PRH1: variants seen among roughly 807,000 people sequenced by gnomAD.
PRH1 encodes salivary acidic proline-rich phosphoprotein 1/2.
PRH1 carries 7 observed loss-of-function variants against 7.9 expected under a neutral mutation model. The ratio of observed to expected loss-of-function variants is 0.89; its 90% confidence interval spans 0.50 to 1.67. The LOEUF is 1.67. Ranked by LOEUF, PRH1 falls within the 40% of genes most tolerant of loss-of-function variation. The pLI is 0.00. For synonymous variants in PRH1, 45 were observed against 80.8 expected, an observed-to-expected ratio of 0.56 and a Z score of 2.38; for missense variants, 109 against 223.6, an observed-to-expected ratio of 0.49 and a Z score of 3.27.
At chr12:10,939,134 C>G in intron 2 of PRH1, 2 of 1,601,514 alleles carry the variant, frequency 1.2e-6, no homozygotes, top group Non-Finnish European at 1.7e-6. Context: ...TGCTATGAAA[C>G]TATTTCCTAA....
intron 1 of PRH1, among the ~76,000 whole-genome samples, chr12:11,158,502 T>C (rs183977688): frequency 2.6e-5 from 4 of 152,300 alleles, no homozygotes; most frequent in Non-Finnish European, 4.4e-5. Context: ...TGTGCATTTA[T>C]TTATATTCCA....
At chr12:11,137,029 G>T (rs142306257) in intron 1 of PRH1, among the ~76,000 whole-genome samples, 1 of 152,288 alleles carries the variant, frequency 6.6e-6, no homozygotes, top group East Asian at 1.9e-4. Flanking sequence ...CCTGCAACTT[G>T]GAAGAAACCG....
chr12:10,990,759 A>G (rs1391837392), intron 1 of PRH1, among the ~76,000 whole-genome samples: 1 of 152,216 alleles, frequency 6.6e-6, no homozygotes, highest in Non-Finnish European at 1.5e-5. Flanking sequence ...TGAGTATGGC[A>G]AAAGTGATGA....
chr12:11,120,492 T>C (rs1348884902), downstream of PRH1, among the ~76,000 whole-genome samples: 3 of 152,126 alleles, frequency 2.0e-5, no homozygotes, highest in Non-Finnish European at 4.4e-5. Flanking sequence ...ACCCAGTAAC[T>C]CTACAGCTTT....
At chr12:11,022,635 G>A in intron 1 of PRH1, 1 of 1,215,730 alleles carries the variant, frequency 8.2e-7, no homozygotes, top group Middle Eastern at 2.0e-4. Context: ...ACATCCAGAT[G>A]TTAACTTCGA....
chr12:10,928,695 G>A (rs1191446692), intron 2 of PRH1, among the ~76,000 whole-genome samples: 1 of 152,198 alleles, frequency 6.6e-6, no homozygotes, highest in African/African-American at 2.4e-5. Context: ...GCAGTGTGCT[G>A]TCCTCACACA....
At chr12:11,068,445 G>A (rs1943917294) in intron 1 of PRH1, among the ~76,000 whole-genome samples, 1 of 152,162 alleles carries the variant, frequency 6.6e-6, no homozygotes, top group Admixed American at 6.5e-5. Flanking sequence ...TTGTAAACAT[G>A]TCTGTCTAGT....
intron 1 of PRH1, among the ~76,000 whole-genome samples, chr12:10,985,140 A>T: frequency 6.6e-6 from 1 of 151,962 alleles, no homozygotes; most frequent in East Asian, 1.9e-4. Context: ...TAACTCAAAA[A>T]CTGGAAGAAA....
intron 1 of PRH1, among the ~76,000 whole-genome samples, chr12:11,150,745 C>T (rs1250603915): frequency 1.3e-5 from 2 of 152,136 alleles, no homozygotes; most frequent in African/African-American, 4.8e-5. Context: ...GGGTGCAGCA[C>T]ACCAGCATGG....
chr12:11,023,323 C>A (rs367768566), intron 1 of PRH1, among the ~76,000 whole-genome samples: 12 of 152,224 alleles, frequency 7.9e-5, no homozygotes, highest in African/African-American at 2.9e-4. Flanking sequence ...AGGAACTCAT[C>A]CAGGTGGTAT....
intron 1 of PRH1, chr12:10,997,486 C>T: frequency 6.2e-7 from 1 of 1,613,774 alleles, no homozygotes; most frequent in Non-Finnish European, 8.5e-7. Context: ...ACACTATCAC[C>T]AGAACTACAC....
At chr12:10,973,144 T>C (rs1938916366) in intron 2 of PRH1, 1 of 152,144 alleles carries the variant, frequency 6.6e-6, no homozygotes, top group South Asian at 2.1e-4. Flanking sequence ...TATTAAGTCT[T>C]TAAATATTAA....
chr12:11,031,220 T>C, intron 1 of PRH1: 18 of 1,614,174 alleles, frequency 1.1e-5, no homozygotes, highest in Non-Finnish European at 1.5e-5. Context: ...AGAGATCTTT[T>C]GTCTCTTGAC....
chr12:11,103,885 G>C (rs764584196), intron 1 of PRH1, among the ~76,000 whole-genome samples: 6 of 152,040 alleles, frequency 3.9e-5, no homozygotes, highest in Admixed American at 6.6e-5. Flanking sequence ...TTGGTGTTAA[G>C]TCATTGTGAG....
intron 2 of PRH1, among the ~76,000 whole-genome samples, chr12:10,947,139 C>T (rs1170748173): frequency 6.6e-6 from 1 of 152,094 alleles, no homozygotes; most frequent in African/African-American, 2.4e-5. Context: ...AAAGGTCTAC[C>T]AGATCCATTT....
At chr12:11,014,815 G>A (rs984498585) in intron 1 of PRH1, among the ~76,000 whole-genome samples, 2 of 152,246 alleles carry the variant, frequency 1.3e-5, no homozygotes, top group African/African-American at 4.8e-5. Context: ...CACCATCTGA[G>A]ACTTTTAGGT....
At chr12:11,164,601 C>A (rs1460545972) in intron 1 of PRH1, among the ~76,000 whole-genome samples, 1 of 152,108 alleles carries the variant, frequency 6.6e-6, no homozygotes, top group Non-Finnish European at 1.5e-5. Context: ...TTCTGGATTC[C>A]TGAAAGTAAC....
upstream of PRH1, among the ~76,000 whole-genome samples, chr12:11,052,083 C>T (rs1368982692): frequency 1.3e-5 from 2 of 152,382 alleles, no homozygotes; most frequent in Non-Finnish European, 1.5e-5. Flanking sequence ...AAATTTATTC[C>T]TGTCACCTTT....
chr12:11,096,517 G>C (rs1945071890), intron 1 of PRH1, among the ~76,000 whole-genome samples: 1 of 115,774 alleles, frequency 8.6e-6, no homozygotes, highest in African/African-American at 2.9e-5. Context: ...AAATGGTAAT[G>C]ATATTTTTAT....
Sources: allele counts gnomAD v4.1 joint callset (sites outside exome capture counted in the v4.1 genomes callset), GRCh38; gene constraint gnomAD v4.1.1; transcripts MANE v1.5; gene names NCBI Gene and HGNC (gene_info 2026-07-23, HGNC 2026-07-21).